The following CDC42BPA variants were observed in gnomAD, a reference collection of about 807,000 sequenced individuals.
CDC42BPA encodes the protein serine/threonine-protein kinase MRCK alpha.
Under a neutral mutation model 223.5 loss-of-function variants are expected in CDC42BPA, and 80 were observed. The observed-to-expected ratio is 0.36, with a 90% confidence interval of 0.30 to 0.43. CDC42BPA has a LOEUF of 0.43. Among genes scored for constraint, CDC42BPA ranks in the 20% least tolerant of loss-of-function variants. The probability of loss-of-function intolerance (pLI) is 1.00; values close to 1 mark genes in which losing one functional copy is unlikely to be tolerated. For synonymous variants in CDC42BPA, 694 were observed against 718.6 expected (o/e 0.97, Z 0.55); for missense variants, 1,743 against 2,099.9 (o/e 0.83, Z 3.32).
intron 10 of CDC42BPA, among the ~76,000 whole-genome samples, chr1:227,136,383 G>A (rs913502459): frequency 5.9e-5 from 9 of 152,082 alleles, no homozygotes; most frequent in African/African-American, 2.2e-4. Flanking sequence ...ACAGAACAGA[G>A]CATAAAGGAA....
chr1:227,076,509 A>C (rs1287935473), intron 17 of CDC42BPA, among the ~76,000 whole-genome samples: 3 of 152,102 alleles, frequency 2.0e-5, no homozygotes, highest in Non-Finnish European at 4.4e-5. Context: ...CACCCGCCTC[A>C]GCCTCCCAAA....
intron 1 of CDC42BPA, among the ~76,000 whole-genome samples, chr1:227,254,834 T>A (rs183956349): frequency 6.6e-6 from 1 of 152,196 alleles, no homozygotes; most frequent in Non-Finnish European, 1.5e-5. Flanking sequence ...AGATAACAGA[T>A]AAATTGAACC....
chr1:227,005,059 G>A lies in CDC42BPA; in HGVS notation c.4910C>T (p.Pro1637Leu). The change falls in exon 35 of 37, where the codon CCA becomes CTA. Residue 1637 changes from proline to leucine, a missense_variant. Physicochemically the swap from Pro to Leu is moderately conservative, Grantham distance 98. This residue lies in a region of CDC42BPA where 200 missense variants were observed against 192.8 expected (regional missense o/e 1.04). Transcript: ENST00000366766. ...CTCAGGGCGGGATTTGGTGATAGAT[G>A]GAATACTGACTGAGCCACTGAATAC... The part of the protein sequence containing the change: ...RTVFSGSVSI[P>L]SITKSRPEPG... 6.2e-7 allele frequency: 1 copy of A among 1,614,196 alleles called. No individual in the cohort carries two copies. Among genetic ancestry groups the A allele is most frequent in the Non-Finnish European group, 8.5e-7 (1 of 1,180,012 alleles).
chr1:227,080,714 G>GT (rs1393588850), intron 17 of CDC42BPA, among the ~76,000 whole-genome samples, 179 bp downstream of exon 17: 1 of 152,152 alleles, frequency 6.6e-6, no homozygotes, highest in Non-Finnish European at 1.5e-5. Flanking sequence ...ACAGAGGAAT[G>GT]TAACAGAAAA....
chr1:227,152,650 C>A (rs1196198194), intron 6 of CDC42BPA, among the ~76,000 whole-genome samples: 1 of 152,030 alleles, frequency 6.6e-6, no homozygotes, highest in African/African-American at 2.4e-5. Context: ...TGCAAAGAAA[C>A]AAGCAAAACC....
At chr1:227,301,521 A>G (rs4653492) in intron 1 of CDC42BPA, among the ~76,000 whole-genome samples, 15,632 of 152,094 alleles carry the variant, frequency 0.1, 1,228 homozygotes, top group East Asian at 0.36. Context: ...CACCATGCCC[A>G]GCTAATTTTT....
At chr1:227,286,072 T>C (rs1008408095) in intron 1 of CDC42BPA, among the ~76,000 whole-genome samples, 3 of 152,182 alleles carry the variant, frequency 2.0e-5, no homozygotes, top group African/African-American at 7.2e-5. Context: ...GGCACTTACC[T>C]ACCTTTTCAT....
chr1:227,154,181 T>G (rs896603471), intron 6 of CDC42BPA, among the ~76,000 whole-genome samples: 6 of 151,928 alleles, frequency 3.9e-5, no homozygotes, highest in Admixed American at 6.6e-5. Flanking sequence ...CCTAACATCA[T>G]CTTGATGGAT....
chr1:227,071,376 A>G (rs1181359773), intron 20 of CDC42BPA, among the ~76,000 whole-genome samples: 3 of 152,016 alleles, frequency 2.0e-5, no homozygotes, highest in South Asian at 4.1e-4. Context: ...ATAAATGTAT[A>G]TAAGATATCC....
At chr1:227,158,945 T>TCAGAGTCAGGAACTGCCCCAGTCTTTGCG (rs1663332055) in intron 6 of CDC42BPA, among the ~76,000 whole-genome samples, 1 of 152,100 alleles carries the variant, frequency 6.6e-6, no homozygotes, top group Non-Finnish European at 1.5e-5. Context: ...GCTTTCTGCA[T>TCAGAGTCAGGAACTGCCCCAGTCTTTGCG]CAGAGTCAGG....
chr1:227,051,813 T>A (rs1673575753), intron 22 of CDC42BPA, 68 bp downstream of exon 22: 2 of 882,670 alleles, frequency 2.3e-6, no homozygotes, highest in African/African-American at 3.4e-5. Flanking sequence ...GACAGACTTG[T>A]TTTATTCAAT....
chr1:227,073,948 G>A lies in CDC42BPA; in HGVS notation c.2651C>T (p.Ser884Leu), dbSNP rs144801895. The A allele has an allele frequency of 1.7e-5, 27 of 1,612,146 alleles. No individual in the cohort carries two copies. In the African/African-American group the frequency reaches 2.7e-4, roughly 16 times the overall value. Residue 884 changes from serine to leucine, a missense_variant, in exon 19 of 37, where the codon TCG (serine) becomes TTG (leucine). Ser to Leu is a moderately radical substitution (Grantham distance 145). This residue lies in a region of CDC42BPA where 36 missense variants were observed against 71.9 expected (regional missense o/e 0.50). Coordinates refer to ENST00000366766, the MANE Select transcript of CDC42BPA (RefSeq NM_001394014.1). ...LDMSARLELQ[S>L]ALDAEIRAKQ... ...GGCTCTTATTTCTGCATCCAGAGCC[G>A]ACTGCAACTCCAGTCTAGCTGACAT...
intron 5 of CDC42BPA, among the ~76,000 whole-genome samples, chr1:227,163,046 ATATGTG>A (rs1664324118): frequency 1.4e-5 from 1 of 71,784 alleles, no homozygotes; most frequent in Non-Finnish European, 3.5e-5. Flanking sequence ...GTTTCCAAAC[ATATGTG>A]TATGTTTCCA....
At chr1:227,314,599 G>A (rs182623447) in intron 1 of CDC42BPA, among the ~76,000 whole-genome samples, 2 of 152,032 alleles carry the variant, frequency 1.3e-5, no homozygotes, top group Admixed American at 6.5e-5. Flanking sequence ...GAATACAGCC[G>A]GTAAGAATCT....
intron 5 of CDC42BPA, among the ~76,000 whole-genome samples, chr1:227,176,281 G>A (rs1181649880): frequency 1.3e-5 from 2 of 151,992 alleles, no homozygotes; most frequent in African/African-American, 2.4e-5. Context: ...TCAAATTCAC[G>A]ACATTAGGGT....
intron 21 of CDC42BPA, among the ~76,000 whole-genome samples, chr1:227,063,918 G>A (rs912214557): frequency 6.6e-6 from 1 of 152,086 alleles, no homozygotes; most frequent in African/African-American, 2.4e-5. Flanking sequence ...GTGAAATCAA[G>A]AGATAAATTA....
chr1:227,145,715 T>A lies in CDC42BPA; in HGVS notation c.917A>T (p.Gln306Leu). The change falls in exon 8 of 37, where the codon CAA becomes CTA. Residue 306 changes from glutamine (Q) to leucine (L), a missense_variant. Around this residue, in one of 6 missense-constraint regions of CDC42BPA, gnomAD observed 321 missense variants for 488.7 expected, o/e 0.66. Transcript: ENST00000366766. ...NHKERFQFPAQVTDVSENAKD... is the reference protein window; with the variant it reads ...NHKERFQFPALVTDVSENAKD... Reference sequence around the variant, plus strand: ...AGCATTTTCAGACACATCAGTCACTTGGGCTGGAAACTGAAACCTCTCCTA... The same window carrying A: ...AGCATTTTCAGACACATCAGTCACTAGGGCTGGAAACTGAAACCTCTCCTA... 6.2e-7 allele frequency: 1 copy of A among 1,613,538 alleles called. No homozygotes were observed. The highest frequency in any genetic ancestry group is 8.5e-7 in the Non-Finnish European group (1 of 1,179,628).
intron 1 of CDC42BPA, among the ~76,000 whole-genome samples, chr1:227,262,448 A>G (rs779123073): frequency 3.4e-4 from 51 of 151,274 alleles, no homozygotes; most frequent in Admixed American, 1.8e-3. Flanking sequence ...CTCCAAGAAT[A>G]GTTTAAGGCT....
intron 5 of CDC42BPA, among the ~76,000 whole-genome samples, chr1:227,167,969 G>A (rs1665339529): frequency 6.6e-6 from 1 of 151,390 alleles, no homozygotes; most frequent in Admixed American, 6.6e-5. Context: ...CTGTCACCCA[G>A]GCTCAAGTGC....
Sources: gnomAD v4.1 joint callset for allele counts (sites outside exome capture counted in the v4.1 genomes callset) on GRCh38, gnomAD v4.1.1 for gene constraint, gnomAD v4.1.1 regional missense constraint, MANE v1.5 for transcripts, NCBI Gene and HGNC (gene_info 2026-07-23, HGNC 2026-07-21) for gene names.